The following FARP2 variants were observed in gnomAD, a reference collection of about 807,000 sequenced individuals.
FARP2 encodes the protein FERM, ARHGEF and pleckstrin domain-containing protein 2.
FARP2 carries 111 observed loss-of-function variants against 130.5 expected under a neutral mutation model. The observed-to-expected ratio is 0.85, with a 90% CI of 0.73 to 1.00. FARP2 has a LOEUF of 1.00. Ranked by LOEUF, FARP2 falls within the 50% of genes least tolerant of loss-of-function variation. FARP2 has a pLI of 0.00. For synonymous variants in FARP2, 504 were observed against 516.9 expected, an observed-to-expected ratio of 0.98 and a Z score of 0.34; for missense variants, 1,385 against 1,346.3, an observed-to-expected ratio of 1.03 and a Z score of -0.45.
At chr2:241,406,829 A>G (rs1454924108) in intron 4 of FARP2, among the ~76,000 whole-genome samples, 1 of 151,362 alleles carries the variant, frequency 6.6e-6, no homozygotes, top group African/African-American at 2.4e-5. Context: ...ATTTTTTGAG[A>G]CGGAGTCTCG....
rs1354820901 is a variant in FARP2 at position 241,441,682 on chromosome 2, A to G, written c.1411+126A>G. ...GCTCAGCGCTGCTTGTAAAAATGAC[A>G]ATGGTGGGGATGACTTTACCACAGG... On this transcript the variant is annotated intron_variant, in intron 13 of 26. Coordinates refer to ENST00000264042, the MANE Select transcript of FARP2 (RefSeq NM_014808.4). 4 of 1,349,230 alleles carry G rather than the reference A, an allele frequency of 3.0e-6. No individual in the cohort carries two copies. The Middle Eastern group carries it at 5.3e-4, about 180-fold the overall frequency. The allele number at this position is 1,349,230 out of a possible 1,614,324, so 83.6% of individuals were successfully genotyped here.
intron 7 of FARP2, among the ~76,000 whole-genome samples, chr2:241,417,618 C>T (rs1302875311): frequency 7.0e-6 from 1 of 142,054 alleles, no homozygotes; most frequent in Non-Finnish European, 1.5e-5. Context: ...CCACTGTGCC[C>T]GGCCCTCTGT....
chr2:241,430,737 G>T (rs1410577771), intron 8 of FARP2, among the ~76,000 whole-genome samples: 1 of 152,096 alleles, frequency 6.6e-6, no homozygotes, highest in African/African-American at 2.4e-5. Context: ...AGGCACAGTG[G>T]GTCATGCCTG....
At chr2:241,485,272 A>T (rs62190414) in intron 21 of FARP2, among the ~76,000 whole-genome samples, 1 of 141,368 alleles carries the variant, frequency 7.1e-6, no homozygotes, top group Non-Finnish European at 1.5e-5. Flanking sequence ...CTTTCCTAGG[A>T]TCTTCCCTCC....
chr2:241,450,673 A>G (rs2063630402), intron 13 of FARP2, among the ~76,000 whole-genome samples: 1 of 151,904 alleles, frequency 6.6e-6, no homozygotes, highest in African/African-American at 2.4e-5. Context: ...CTCAGTCTCA[A>G]AAAAGGCTGG....
At chr2:241,395,351 C>T (rs1405402927) in intron 2 of FARP2, 1 of 152,122 alleles carries the variant, frequency 6.6e-6, no homozygotes, top group Non-Finnish European at 1.5e-5. Flanking sequence ...TATCTCTATA[C>T]CTTATTTTAT....
At chr2:241,357,628 G>C (rs2061098427) in intron 1 of FARP2, among the ~76,000 whole-genome samples, 1 of 152,152 alleles carries the variant, frequency 6.6e-6, no homozygotes, top group Admixed American at 6.6e-5. Context: ...GACCAGTTTA[G>C]GGTCACACCT....
intron 2 of FARP2, among the ~76,000 whole-genome samples, chr2:241,397,187 G>A (rs1054621606): frequency 6.6e-5 from 10 of 152,228 alleles, no homozygotes; most frequent in South Asian, 2.1e-4. Context: ...ACTGTTGTGC[G>A]GCGAGGGGAG....
At chr2:241,456,633 C>T in intron 13 of FARP2, 114 bp from the exon 14 acceptor site, 1 of 945,646 alleles carries the variant, frequency 1.1e-6, no homozygotes, top group Admixed American at 2.0e-5. Flanking sequence ...ACAGGAAGCG[C>T]CTGGCACTGT....
Position 241,459,746 on chromosome 2 carries a change from TG to T in FARP2, c.1588-2772del, listed in dbSNP as rs1207267448. On this transcript the variant is annotated intron_variant, in intron 14 of 26. Transcript: ENST00000264042. This position sits in a 1 kb window ranked among gnomAD's most constrained non-coding sequence, Gnocchi z 5.3. ...GTCAGGTTTGACATTGATCTAGAGG[TG>T]GGGGCAGCGTGGCAGCTGCTGTATT... 1.6e-5 allele frequency among the ~76,000 whole-genome samples: 2 copies of T among 123,364 alleles called. No individual in the cohort carries two copies. The highest frequency in any genetic ancestry group is 1.1e-4 in the Admixed American group (1 of 9,188). The allele number at this position is 123,364 out of a possible 152,430, so 80.9% of individuals were successfully genotyped here. A position where few individuals can be genotyped will look rare whatever the true frequency, so the allele number is the denominator to read the frequency against.
Position 241,463,073 on chromosome 2 carries a change from G to T in FARP2, c.1678-262G>T, listed in dbSNP as rs536373405. ...CTGTTTTAAAACTATTCTAAGTCAG[G>T]TCAGAACATTGGGTCCAAGTTTTTG... On this transcript the variant is annotated intron_variant, in intron 15 of 26. Coordinates refer to ENST00000264042, the MANE Select transcript of FARP2 (RefSeq NM_014808.4). 5.9e-5 allele frequency among the ~76,000 whole-genome samples: 9 copies of T among 152,274 alleles called. No individual in the cohort carries two copies. In the South Asian group the frequency reaches 1.7e-3, roughly 28 times the overall value.
chr2:241,465,691 C>T, intron 17 of FARP2: 13 of 1,550,924 alleles, frequency 8.4e-6, no homozygotes, highest in Middle Eastern at 1.7e-4. Context: ...ATGAGTTCAC[C>T]ACGTGACCGC....
chr2:241,405,454 T>C (rs1252886509), intron 4 of FARP2: 1 of 152,216 alleles, frequency 6.6e-6, no homozygotes, highest in Non-Finnish European at 1.5e-5. Context: ...ATGAAGTCTA[T>C]AGTTGTCTGA....
At chr2:241,385,345 A>C (rs4675964) in intron 2 of FARP2, among the ~76,000 whole-genome samples, 26,307 of 152,072 alleles carry the variant, frequency 0.17, 2,679 homozygotes, top group Admixed American at 0.35. Flanking sequence ...TTTGTTGTAT[A>C]TTGTATGTTT....
intron 2 of FARP2, among the ~76,000 whole-genome samples, chr2:241,388,314 A>G (rs1186248382): frequency 6.6e-6 from 1 of 152,250 alleles, no homozygotes; most frequent in Middle Eastern, 3.2e-3. Context: ...AAGAATGTCA[A>G]GACAATCAAT....
intron 13 of FARP2, chr2:241,441,914 A>C: frequency 2.6e-6 from 1 of 381,048 alleles, no homozygotes; most frequent in Non-Finnish European, 5.0e-6. Flanking sequence ...GCCTCTGCCC[A>C]GCCTCTGGTG....
chr2:241,436,277 G>A (rs1386006035), intron 11 of FARP2, among the ~76,000 whole-genome samples: 1 of 152,096 alleles, frequency 6.6e-6, no homozygotes, highest in Non-Finnish European at 1.5e-5. Context: ...TTTAGTGTGG[G>A]TGTGTAATCT....
rs1368867111 is a variant in FARP2, at chr2:241,434,334, C to T, written c.1031+13C>T. On this transcript the variant is annotated intron_variant, in intron 10 of 26. Transcript: ENST00000264042. ...CCTTCAGATACAGGTAGGGGCCATG[C>T]CGTGGCTTGCATGGGCCCCTCACTG... 5 of 1,579,426 alleles carry T rather than the reference C, an allele frequency of 3.2e-6. No homozygotes were observed. The highest frequency in any genetic ancestry group is 4.3e-6 in the Non-Finnish European group (5 of 1,167,308).
chr2:241,358,379 C>T (rs1439441824), intron 1 of FARP2, among the ~76,000 whole-genome samples: 4 of 152,226 alleles, frequency 2.6e-5, no homozygotes, highest in African/African-American at 9.6e-5. Flanking sequence ...GCAAATTTAT[C>T]CTGTTTAGAG....
Sources: gnomAD v4.1 joint callset for allele counts (sites outside exome capture counted in the v4.1 genomes callset) on GRCh38, gnomAD v4.1.1 for gene constraint, Gnocchi (gnomAD v3.1) non-coding constraint, MANE v1.5 for transcripts, NCBI Gene and HGNC (gene_info 2026-07-23, HGNC 2026-07-21) for gene names.